Variants in CDKAL1 observed in about 807,000 individuals in gnomAD.
CDKAL1 encodes CDKAL1 threonylcarbamoyladenosine tRNA methylthiotransferase.
A neutral mutation model predicts 68.2 loss-of-function variants in CDKAL1; 32 were observed. That is an observed-to-expected ratio of 0.47 (90% CI 0.35 to 0.63). The LOEUF (loss-of-function observed/expected upper bound fraction) is 0.63, where lower values mean the gene tolerates loss of function less well. Ranked by LOEUF, CDKAL1 falls within the 30% of genes least tolerant of loss-of-function variation. CDKAL1 has a pLI of 0.00. For synonymous variants in CDKAL1, 234 were observed against 244.3 expected, an observed-to-expected ratio of 0.96 and a Z score of 0.39; for missense variants, 606 against 696.7, an observed-to-expected ratio of 0.87 and a Z score of 1.47.
intron 5 of CDKAL1, among the ~76,000 whole-genome samples, chr6:20,690,002 C>G (rs1770799065): frequency 6.6e-6 from 1 of 152,172 alleles, no homozygotes; most frequent in South Asian, 2.1e-4. Flanking sequence ...ATAACTTTCA[C>G]ATTGTAGACC....
At chr6:20,707,272 G>GT (rs977752317) in intron 5 of CDKAL1, among the ~76,000 whole-genome samples, 1 of 152,200 alleles carries the variant, frequency 6.6e-6, no homozygotes, top group Non-Finnish European at 1.5e-5. Flanking sequence ...TCACGTGGCT[G>GT]TTGAGATCTG....
At chr6:20,550,385 C>T (rs1346814749) in intron 4 of CDKAL1, among the ~76,000 whole-genome samples, 1 of 152,130 alleles carries the variant, frequency 6.6e-6, no homozygotes, top group Non-Finnish European at 1.5e-5. Flanking sequence ...CCAATCTTGG[C>T]CATTAGGATC....
chr6:21,024,921 A>G (rs1434425517), intron 11 of CDKAL1, among the ~76,000 whole-genome samples: 7 of 152,232 alleles, frequency 4.6e-5, no homozygotes, highest in Non-Finnish European at 7.3e-5. Flanking sequence ...TAGACCAGCT[A>G]GAGGAATTAA....
intron 11 of CDKAL1, among the ~76,000 whole-genome samples, chr6:21,015,404 A>C (rs1233462420): frequency 6.6e-6 from 1 of 152,200 alleles, no homozygotes; most frequent in Non-Finnish European, 1.5e-5. Context: ...CGACTTTTTT[A>C]TAGAAAATAC....
chr6:20,894,746 C>T (rs913356114), intron 9 of CDKAL1, among the ~76,000 whole-genome samples: 1 of 152,114 alleles, frequency 6.6e-6, no homozygotes, highest in African/African-American at 2.4e-5. Context: ...GTGGCTCACA[C>T]CTGCAATCCT....
intron 9 of CDKAL1, among the ~76,000 whole-genome samples, chr6:20,947,448 A>G (rs1764302782): frequency 6.6e-6 from 1 of 152,040 alleles, no homozygotes. Context: ...AAAATTTGCC[A>G]GGTGTGGTGC....
At chr6:20,895,704 A>C (rs78593050) in intron 9 of CDKAL1, among the ~76,000 whole-genome samples, 1,913 of 152,308 alleles carry the variant, frequency 0.013, 29 homozygotes, top group African/African-American at 0.044. Context: ...CCATCTCTTT[A>C]GCATGGTTAA....
At chr6:21,198,190 G>A (rs764290295) in intron 14 of CDKAL1, 86 bp downstream of exon 14, 47 of 854,326 alleles carry the variant, frequency 5.5e-5, no homozygotes, top group African/African-American at 1.9e-4. Context: ...AAAGGGGAGA[G>A]TGTTGAATCT....
chr6:20,759,942 T>A (rs942468643), intron 7 of CDKAL1, among the ~76,000 whole-genome samples: 2 of 152,128 alleles, frequency 1.3e-5, no homozygotes, highest in Non-Finnish European at 2.9e-5. Flanking sequence ...CCATATAGTC[T>A]CCACGTGCCA....
chr6:20,551,341 C>T (rs1323764185), intron 4 of CDKAL1, among the ~76,000 whole-genome samples: 4 of 151,772 alleles, frequency 2.6e-5, no homozygotes, highest in Non-Finnish European at 5.9e-5. Context: ...GTCCTTGTAT[C>T]ACCCTTTTTC....
chr6:20,567,867 C>T (rs1764522359), intron 4 of CDKAL1, among the ~76,000 whole-genome samples: 1 of 151,802 alleles, frequency 6.6e-6, no homozygotes, highest in Admixed American at 6.6e-5. Context: ...GTGTGCACCA[C>T]CATGCCCAGC....
At chr6:21,054,454 A>G (rs935628663) in intron 11 of CDKAL1, among the ~76,000 whole-genome samples, 6 of 152,114 alleles carry the variant, frequency 3.9e-5, no homozygotes, top group Admixed American at 2.6e-4. Context: ...ATTTCCGCAT[A>G]CATTTTAAGC....
chr6:20,553,917 T>A (rs149247295), intron 4 of CDKAL1, among the ~76,000 whole-genome samples: 1 of 151,780 alleles, frequency 6.6e-6, no homozygotes, highest in East Asian at 1.9e-4. Context: ...CGGCCAGCTT[T>A]TAAATGATTC....
chr6:20,823,309 G>A (rs1777365118), intron 8 of CDKAL1, among the ~76,000 whole-genome samples: 1 of 152,136 alleles, frequency 6.6e-6, no homozygotes, highest in Admixed American at 6.6e-5. Context: ...ACAGTTACCT[G>A]TGCATTTGTA....
At chr6:21,223,513 C>A (rs531603755) in intron 15 of CDKAL1, among the ~76,000 whole-genome samples, 1 of 152,260 alleles carries the variant, frequency 6.6e-6, no homozygotes, top group South Asian at 2.1e-4. Context: ...GGTTCTCCAG[C>A]CAGGTACCAT....
At position 21,000,071 on chromosome 6, in the gene CDKAL1, T is replaced by C. The variant is rs149970180; in HGVS notation, c.910-156T>C. On this transcript the variant is annotated intron_variant, in intron 10 of 15. Transcript: ENST00000274695. Reference sequence around the variant, plus strand: ...GATATTGAATTCCCAAATCTCATCATAGAATATTACCAACTGATGTTCACT... The same window carrying C: ...GATATTGAATTCCCAAATCTCATCACAGAATATTACCAACTGATGTTCACT... 3.8e-3 allele frequency among the ~76,000 whole-genome samples: 572 copies of C among 152,352 alleles called. 1 individual carries two copies. Among genetic ancestry groups the C allele is most frequent in the African/African-American group, 0.013 (551 of 41,592 alleles).
chr6:20,682,803 G>A (rs1770441723), intron 5 of CDKAL1, among the ~76,000 whole-genome samples: 1 of 152,150 alleles, frequency 6.6e-6, no homozygotes, highest in African/African-American at 2.4e-5. Flanking sequence ...TAGTTGGCTT[G>A]TGTTTTTCCT....
intron 12 of CDKAL1, among the ~76,000 whole-genome samples, chr6:21,092,210 T>C (rs1388837309): frequency 1.3e-5 from 2 of 150,628 alleles, no homozygotes; most frequent in Non-Finnish European, 3.0e-5. Context: ...CAATCAGCTT[T>C]TTTTTTTTCT....
At chr6:20,792,564 C>A (rs1244076582) in intron 8 of CDKAL1, among the ~76,000 whole-genome samples, 1 of 152,150 alleles carries the variant, frequency 6.6e-6, no homozygotes, top group Non-Finnish European at 1.5e-5. Flanking sequence ...TCTCCTCCCC[C>A]ACTTTCTCCT....
Sources: gnomAD v4.1 joint callset for allele counts (sites outside exome capture counted in the v4.1 genomes callset) on GRCh38, gnomAD v4.1.1 for gene constraint, MANE v1.5 for transcripts, NCBI Gene and HGNC (gene_info 2026-07-23, HGNC 2026-07-21) for gene names.